Variants in PDK3 observed in about 807,000 individuals in gnomAD.
The protein encoded by PDK3 is pyruvate dehydrogenase kinase 3, also known as pyruvate dehydrogenase kinase, isozyme 3.
PDK3 carries 12 observed loss-of-function variants against 32.0 expected under a neutral mutation model. The ratio of observed to expected loss-of-function variants is 0.37; its 90% CI spans 0.24 to 0.61. The LOEUF (loss-of-function observed/expected upper bound fraction) is 0.61. PDK3 is among the 20% of genes least tolerant of loss of function. The probability of loss-of-function intolerance (pLI) is 0.65; values close to 1 mark genes in which losing one functional copy is unlikely to be tolerated. For synonymous variants in PDK3, 122 were observed against 116.3 expected, an observed-to-expected ratio of 1.05 and a Z score of -0.31; for missense variants, 188 against 316.9, an observed-to-expected ratio of 0.59 and a Z score of 3.09.
chrX:24,499,214 G>A (rs1177797738), intron 3 of PDK3: 1 of 141,329 alleles, frequency 7.1e-6, no homozygotes, highest in African/African-American at 3.1e-5. Flanking sequence ...TAAGAATGCA[G>A]TGGCCTTTTT....
rs558257613 is a variant in PDK3 at position 24,487,189 on chromosome X, T to C, written c.107-7553T>C. 2.7e-5 allele frequency among the ~76,000 whole-genome samples: 3 copies of C among 112,772 alleles called. No individual in the cohort carries two copies. In the South Asian group the frequency reaches 1.1e-3, roughly 41 times the overall value. On this transcript the variant is annotated intron_variant, in intron 1 of 10. Transcript: ENST00000379162. ...GTAGGTCTCCATTCACATGTCAGATTGTTTCTTCTGAAGGACTATTCAATT... is the reference window on the plus strand; with the variant it reads ...GTAGGTCTCCATTCACATGTCAGATCGTTTCTTCTGAAGGACTATTCAATT...
chrX:24,537,893 T>C (rs1292378150), downstream of PDK3, among the ~76,000 whole-genome samples: 3 of 112,423 alleles, frequency 2.7e-5, no homozygotes, highest in African/African-American at 9.7e-5. Flanking sequence ...GTTTGGTTTG[T>C]GGAAACAAAC....
chrX:24,526,380 C>G (rs1922524065), intron 7 of PDK3, 106 bp downstream of exon 7: 1 of 483,543 alleles, frequency 2.1e-6, no homozygotes. Context: ...TTTTGCATAA[C>G]CATTTTAAAA....
chrX:24,502,125 T>C (rs1921874295), intron 3 of PDK3, among the ~76,000 whole-genome samples: 1 of 112,122 alleles, frequency 8.9e-6, no homozygotes, highest in Admixed American at 9.5e-5. Context: ...CTTCACATTA[T>C]TTGTTTCTAC....
At chrX:24,468,080 C>T (rs1162847130) in intron 1 of PDK3, among the ~76,000 whole-genome samples, 1 of 111,850 alleles carries the variant, frequency 8.9e-6, no homozygotes, top group Non-Finnish European at 1.9e-5. Context: ...AGTAACTAGA[C>T]AGGGACCAGA....
At chrX:24,507,692 A>G (rs1922018270) in intron 5 of PDK3, among the ~76,000 whole-genome samples, 1 of 112,470 alleles carries the variant, frequency 8.9e-6, no homozygotes, top group African/African-American at 3.2e-5. Context: ...AAATTATAAA[A>G]TATTTTTTAA....
intron 1 of PDK3, among the ~76,000 whole-genome samples, chrX:24,494,521 A>C (rs927129756): frequency 1.8e-5 from 2 of 112,293 alleles, no homozygotes; most frequent in African/African-American, 6.5e-5. Flanking sequence ...TAAGAAAAAA[A>C]AACTGCTTTC....
chrX:24,544,981 T>C (rs1379786288), exon 12 of PDK3, among the ~76,000 whole-genome samples: 1 of 112,672 alleles, frequency 8.9e-6, no homozygotes, highest in Non-Finnish European at 1.9e-5. Flanking sequence ...TGTGGAAAGA[T>C]AACTTTTAAG....
chrX:24,511,954 G>C (rs932791747), intron 5 of PDK3, among the ~76,000 whole-genome samples: 1 of 111,370 alleles, frequency 9.0e-6, no homozygotes, highest in African/African-American at 3.3e-5. Context: ...CCATGTAGAA[G>C]AGTAGAGACA....
At chrX:24,479,026 T>C in intron 1 of PDK3, among the ~76,000 whole-genome samples, 1 of 112,689 alleles carries the variant, frequency 8.9e-6, no homozygotes, top group South Asian at 3.6e-4. Context: ...GTAACTTACA[T>C]ATATTTTCCC....
chrX:24,526,219 T>C lies in PDK3; in HGVS notation c.695T>C (p.Ile232Thr). ...TCAGCCAAAGCGCCAGACAAACCTATTCAGGTGGTTTATGTGCCCTCACAT... is the reference window on the plus strand; with the variant it reads ...TCAGCCAAAGCGCCAGACAAACCTACTCAGGTGGTTTATGTGCCCTCACAT... ...EFNAKAPDKP[I>T]QVVYVPSHLF... is the part of the protein sequence containing the mutation. Residue 232 changes from isoleucine to threonine, a missense_variant, in exon 7 of 11, where the codon ATT becomes ACT. Coordinates refer to ENST00000379162, the MANE Select transcript of PDK3 (RefSeq NM_005391.5). 2 of 1,207,413 alleles carry C rather than the reference T, an allele frequency of 1.7e-6. No individual in the cohort carries two copies. Among genetic ancestry groups the C allele is most frequent in the South Asian group, 1.8e-5 (1 of 56,781 alleles).
chrX:24,468,072 T>C (rs1334291629), intron 1 of PDK3, among the ~76,000 whole-genome samples: 1 of 111,572 alleles, frequency 9.0e-6, no homozygotes, highest in African/African-American at 3.3e-5. Context: ...TTGACTAGAG[T>C]AACTAGACAG....
chrX:24,548,253 C>G (rs1250243154), exon 12 of PDK3: 2 of 112,164 alleles, frequency 1.8e-5, no homozygotes, highest in Non-Finnish European at 3.8e-5. Flanking sequence ...TTTCCTTTGT[C>G]TAGGAGATAA....
intron 6 of PDK3, among the ~76,000 whole-genome samples, chrX:24,522,446 A>C (rs1258196625): frequency 9.0e-6 from 1 of 111,708 alleles, no homozygotes; most frequent in Non-Finnish European, 1.9e-5. Flanking sequence ...AATGTTGTTT[A>C]AACTGAAAAA....
At chrX:24,540,051 A>G (rs1043250648) in exon 12 of PDK3, among the ~76,000 whole-genome samples, 4 of 112,163 alleles carry the variant, frequency 3.6e-5, no homozygotes, top group Non-Finnish European at 7.5e-5. Context: ...AAAATAGACT[A>G]TCAGAGGGAA....
At position 24,465,311 on chromosome X, in the gene PDK3, T is replaced by C; in HGVS notation, c.-145T>C. The C allele has an allele frequency of 2.8e-6, 1 of 357,101 alleles. No individual in the cohort carries two copies. Among genetic ancestry groups the C allele is most frequent in the Non-Finnish European group, 4.7e-6 (1 of 212,935 alleles). The allele number at this position is 357,101 out of a possible 1,213,427, so 29.4% of individuals were successfully genotyped here. A position where few individuals can be genotyped will look rare whatever the true frequency, so the allele number is the denominator to read the frequency against. ...GCTGTCCTGGAGCTGCTGCTGCTGC[T>C]GCGGCGGCTGCACCGGCGGCGCCGA... is the stretch of plus-strand genomic sequence containing the variant. On this transcript the variant is annotated 5_prime_UTR_variant, in exon 1 of 11. Coordinates refer to ENST00000379162, the MANE Select transcript of PDK3 (RefSeq NM_005391.5).
At chrX:24,511,242 G>T (rs1449678087) in intron 5 of PDK3, among the ~76,000 whole-genome samples, 1 of 112,513 alleles carries the variant, frequency 8.9e-6, no homozygotes, top group African/African-American at 3.2e-5. Flanking sequence ...TCTTACTGTT[G>T]CCTTCCTCTT....
At chrX:24,502,952 G>T (rs747662264) in intron 3 of PDK3, among the ~76,000 whole-genome samples, 16 of 112,242 alleles carry the variant, frequency 1.4e-4, no homozygotes, top group Non-Finnish European at 2.8e-4. Flanking sequence ...TGTGGGGATT[G>T]TCCTCATGTT....
In PDK3 at chrX:24,484,343, G is replaced by A. The variant is rs1156417225; in HGVS notation, c.107-10399G>A. Among the ~76,000 whole-genome samples the A allele has an allele frequency of 3.6e-5, 4 of 112,379 alleles. No individual in the cohort carries two copies. The East Asian group carries it at 8.3e-4, about 23-fold the overall frequency. ...TTATTGAATACCTACAATGTACCAG[G>A]TATTGTACTAATGGACTCTTCAATC... On this transcript the variant is annotated intron_variant, in intron 1 of 10. Coordinates refer to ENST00000379162, the MANE Select transcript of PDK3 (RefSeq NM_005391.5).
Sources: gnomAD v4.1 joint callset for allele counts (sites outside exome capture counted in the v4.1 genomes callset) on GRCh38, gnomAD v4.1.1 for gene constraint, MANE v1.5 for transcripts, NCBI Gene and HGNC (gene_info 2026-07-23, HGNC 2026-07-21) for gene names.